Variants in ACER1 observed in about 807,000 individuals in gnomAD.
ACER1 encodes the protein CTB-180A7.3.
In ACER1, 28 loss-of-function variants were observed where a neutral mutation model predicts 24.9. That is an observed-to-expected ratio of 1.13 (90% CI 0.83 to 1.54). ACER1 has a LOEUF of 1.54. Among genes scored for constraint, ACER1 ranks in the 40% most tolerant of loss-of-function variants. ACER1 has a pLI of 0.00. For synonymous variants in ACER1, 132 were observed against 131.4 expected (o/e 1.00, Z -0.03); for missense variants, 352 against 349.3 (o/e 1.01, Z -0.06).
intron 1 of ACER1, among the ~76,000 whole-genome samples, chr19:6,328,582 A>C (rs1457468958): frequency 6.7e-6 from 1 of 149,800 alleles, no homozygotes; most frequent in Non-Finnish European, 1.5e-5. Flanking sequence ...GCAGTGGCTT[A>C]TGTCTGTAAT....
At chr19:6,325,096 T>A (rs73559835) in intron 1 of ACER1, among the ~76,000 whole-genome samples, 38,398 of 151,840 alleles carry the variant, frequency 0.25, 6,685 homozygotes, top group African/African-American at 0.48. Context: ...CCTTCCTGGC[T>A]CTCTCTGCCC....
At chr19:6,350,474 G>C in the ACER1 span, among the ~76,000 whole-genome samples, 1 of 152,128 alleles carries the variant, frequency 6.6e-6, no homozygotes, top group Admixed American at 6.6e-5. Flanking sequence ...GGGAGGCTGA[G>C]GCAGGAGAAT....
At chr19:6,356,702 A>T in the ACER1 span, among the ~76,000 whole-genome samples, 1 of 150,632 alleles carries the variant, frequency 6.6e-6, no homozygotes, top group Non-Finnish European at 1.5e-5. Context: ...AACATTATAT[A>T]AAATAAATCA....
chr19:6,332,044 G>A (rs2145020565), intron 1 of ACER1, among the ~76,000 whole-genome samples: 1 of 144,082 alleles, frequency 6.9e-6, no homozygotes, highest in Admixed American at 7.2e-5. Context: ...TCGGCTCATT[G>A]AAACCTCCGC....
the ACER1 span, among the ~76,000 whole-genome samples, chr19:6,339,606 A>G: frequency 6.6e-6 from 1 of 152,140 alleles, no homozygotes; most frequent in Non-Finnish European, 1.5e-5. Context: ...GATTAAAATG[A>G]TCAGTTTCGT....
chr19:6,355,639 G>C, the ACER1 span, among the ~76,000 whole-genome samples: 2 of 125,118 alleles, frequency 1.6e-5, 1 homozygote, highest in African/African-American at 6.6e-5. Flanking sequence ...TCAGCCCCCC[G>C]CCCGGCCAGC....
chr19:6,319,511 G>GTTCA (rs141079232), intron 1 of ACER1, among the ~76,000 whole-genome samples: 9,872 of 151,876 alleles, frequency 0.065, 365 homozygotes, highest in East Asian at 0.12. Flanking sequence ...TCATTCATTC[G>GTTCA]TTCATTCATT....
the ACER1 span, among the ~76,000 whole-genome samples, chr19:6,350,605 AGGAG>A: frequency 9.7e-5 from 12 of 124,228 alleles, no homozygotes; most frequent in Non-Finnish European, 2.0e-4. Context: ...AAAGGAAGGA[AGGAG>A]GGAGGGAGGG....
intron 1 of ACER1, among the ~76,000 whole-genome samples, chr19:6,322,465 AC>A (rs1337854369): frequency 6.6e-6 from 1 of 151,724 alleles, no homozygotes; most frequent in Non-Finnish European, 1.5e-5. Context: ...CCAAACTCCT[AC>A]CCCACTTGGC....
intron 1 of ACER1, among the ~76,000 whole-genome samples, chr19:6,330,787 C>T (rs554963408): frequency 2.7e-5 from 4 of 149,838 alleles, no homozygotes; most frequent in South Asian, 2.1e-4. Context: ...TACTGAGGAC[C>T]GGGAACCATA....
intron 1 of ACER1, among the ~76,000 whole-genome samples, chr19:6,327,021 C>T (rs143660545): frequency 5.9e-5 from 9 of 152,176 alleles, no homozygotes; most frequent in African/African-American, 2.2e-4. Context: ...CAAAACCCAA[C>T]TCCTACATGT....
At chr19:6,342,472 C>T in the ACER1 span, among the ~76,000 whole-genome samples, 1 of 151,964 alleles carries the variant, frequency 6.6e-6, no homozygotes, top group Non-Finnish European at 1.5e-5. Flanking sequence ...GTAATCCCAG[C>T]ACTTTGGGAG....
upstream of ACER1, among the ~76,000 whole-genome samples, chr19:6,337,941 T>C (rs1188228527): frequency 2.0e-5 from 3 of 151,406 alleles, no homozygotes; most frequent in Non-Finnish European, 4.4e-5. Flanking sequence ...CCTCCCAAAG[T>C]GCTGGGACTA....
chr19:6,355,055 G>C, the ACER1 span, among the ~76,000 whole-genome samples: 8,775 of 151,620 alleles, frequency 0.058, 382 homozygotes, highest in African/African-American at 0.12. Flanking sequence ...CAGCTCCTAA[G>C]TGCGAGTGAT....
intron 1 of ACER1, among the ~76,000 whole-genome samples, chr19:6,333,134 CT>C (rs1055868487): frequency 6.6e-6 from 1 of 152,098 alleles, no homozygotes; most frequent in Non-Finnish European, 1.5e-5. Flanking sequence ...CTGCCTCCCC[CT>C]ACCACAGCTG....
chr19:6,353,750 G>C, the ACER1 span, among the ~76,000 whole-genome samples: 1 of 151,866 alleles, frequency 6.6e-6, no homozygotes, highest in South Asian at 2.1e-4. Flanking sequence ...GCTTGAACCT[G>C]CAAGGGAGAG....
chr19:6,358,034 G>A, the ACER1 span, among the ~76,000 whole-genome samples: 1 of 152,114 alleles, frequency 6.6e-6, no homozygotes, highest in African/African-American at 2.4e-5. Context: ...AAGGAGTGGA[G>A]GAGTGGAGGA....
the ACER1 span, among the ~76,000 whole-genome samples, chr19:6,351,972 C>T: frequency 1.3e-5 from 2 of 150,438 alleles, no homozygotes; most frequent in Non-Finnish European, 2.9e-5. Context: ...AGGAGAATGG[C>T]GTGAACCTGG....
intron 3 of ACER1, among the ~76,000 whole-genome samples, chr19:6,311,640 A>G (rs1286297733): frequency 2.7e-5 from 4 of 149,040 alleles, no homozygotes; most frequent in Admixed American, 2.0e-4. Context: ...GGAGAAGAAG[A>G]AGAAGAAGGA....
Sources: gnomAD v4.1 joint callset for allele counts (sites outside exome capture counted in the v4.1 genomes callset) on GRCh38, gnomAD v4.1.1 for gene constraint, MANE v1.5 for transcripts, NCBI Gene and HGNC (gene_info 2026-07-23, HGNC 2026-07-21) for gene names.